The following MPIG6B variants were observed in gnomAD, a reference collection of about 807,000 sequenced individuals.
MPIG6B encodes the protein immunoglobulin receptor.
In MPIG6B, 22 loss-of-function variants were observed where a neutral mutation model predicts 24.2. The observed-to-expected ratio is 0.91, with a 90% CI of 0.65 to 1.30. MPIG6B has a LOEUF of 1.30. MPIG6B is among the 50% of genes most tolerant of loss of function. The probability of loss-of-function intolerance (pLI) is 0.00; values close to 1 mark genes in which losing one functional copy is unlikely to be tolerated. For missense variants in MPIG6B, 301 were observed against 318.5 expected (o/e 0.94, Z 0.42); for synonymous variants, 136 against 142.0 (o/e 0.96, Z 0.30).
intron 3 of MPIG6B, 24 bp downstream of exon 3, chr6:31,724,256 G>A (rs989775817): frequency 5.7e-6 from 9 of 1,575,954 alleles, no homozygotes; most frequent in South Asian, 3.4e-5. Context: ...ACCCGGCCTC[G>A]TTAAATGGGG....
In MPIG6B at chr6:31,724,190, T is replaced by C; in HGVS notation, c.458T>C (p.Val153Ala). The C allele has an allele frequency of 6.2e-7, 1 of 1,613,314 alleles. No homozygotes were observed. The highest frequency in any genetic ancestry group is 8.5e-7 in the Non-Finnish European group (1 of 1,179,966). The change falls in exon 3 of 6, where the codon GTG becomes GCG. Residue 153 changes from valine to alanine, a missense_variant. Val to Ala is a moderately conservative substitution (Grantham distance 64). Coordinates refer to ENST00000649779, the MANE Select transcript of MPIG6B (RefSeq NM_138272.3). ...LLIPLLGAGL[V>A]LGLGALGLVW... Reference sequence around the variant, plus strand: ...ATCCCGCTGCTGGGCGCTGGGTTGGTGCTCGGACTGGGAGCTTTGGGCCTG... The same window carrying C: ...ATCCCGCTGCTGGGCGCTGGGTTGGCGCTCGGACTGGGAGCTTTGGGCCTG...
rs1195964830 is a variant in MPIG6B at position 31,725,845 on chromosome 6, C to T, written c.*771C>T. On this transcript the variant is annotated 3_prime_UTR_variant, in exon 6 of 6. Coordinates refer to ENST00000649779, the MANE Select transcript of MPIG6B (RefSeq NM_138272.3). The surrounding 1 kb of genome is among the most constrained non-coding windows in gnomAD (Gnocchi z 5.2). ...CAGATTTGGGATTAACAAACTTCCA[C>T]TTAGACATTCTGCCTGACTGACCTC... is the stretch of plus-strand genomic sequence containing the variant. 1 of 152,420 alleles carries T rather than the reference C, an allele frequency of 6.6e-6. No individual in the cohort carries two copies. The highest frequency in any genetic ancestry group is 1.5e-5 in the Non-Finnish European group (1 of 68,070). 9.4% of individuals were successfully genotyped at this position (152,420 alleles called of 1,614,324 possible). A position where few individuals can be genotyped will look rare whatever the true frequency, so the allele number is the denominator to read the frequency against.
At chr6:31,724,894 G>T in intron 5 of MPIG6B, 50 bp downstream of exon 5, 1 of 1,595,752 alleles carries the variant, frequency 6.3e-7, no homozygotes, top group African/African-American at 1.4e-5. Context: ...TGAGGAAAAT[G>T]GACCAAAAAA....
upstream of MPIG6B, among the ~76,000 whole-genome samples, chr6:31,722,031 C>T (rs1347209554): frequency 6.6e-6 from 1 of 152,184 alleles, no homozygotes; most frequent in Admixed American, 6.5e-5. Flanking sequence ...TGAGCATCAT[C>T]AAAGGCCTCT....
At chr6:31,722,712 AGG>A (rs1806888129), upstream of MPIG6B, among the ~76,000 whole-genome samples, 4 of 72,234 alleles carry the variant, frequency 5.5e-5, no homozygotes. Context: ...AAAATTAGTC[AGG>A]TGTGGTGGCA....
At position 31,725,995 on chromosome 6, in the gene MPIG6B, C is replaced by T. The variant is rs1187121236; in HGVS notation, c.*921C>T. 1.3e-5 allele frequency: 2 copies of T among 152,386 alleles called. No homozygotes were observed. Among genetic ancestry groups the T allele is most frequent in the Admixed American group, 6.6e-5 (1 of 15,256 alleles). 9.4% of individuals were successfully genotyped at this position (152,386 alleles called of 1,614,324 possible). ...ACCCAGAAACTGGGAGTCACGCAGACCTCCTTTCTCTCTTACTCCCACACA... is the reference window on the plus strand; with the variant it reads ...ACCCAGAAACTGGGAGTCACGCAGATCTCCTTTCTCTCTTACTCCCACACA... On this transcript the variant is annotated 3_prime_UTR_variant, in exon 6 of 6. Transcript: ENST00000649779. The surrounding 1 kb of genome is among the most constrained non-coding windows in gnomAD (Gnocchi z 5.2).
In MPIG6B at chr6:31,723,390, G is replaced by C; in HGVS notation, c.7G>C (p.Val3Leu). 1.2e-6 allele frequency: 2 copies of C among 1,612,656 alleles called. No homozygotes were observed. Among genetic ancestry groups the C allele is most frequent in the Non-Finnish European group, 8.5e-7 (1 of 1,179,852 alleles). The change falls in exon 1 of 6, where the codon GTG becomes CTG. Residue 3 changes from valine (V) to leucine (L), a missense_variant. Coordinates refer to ENST00000649779, the MANE Select transcript of MPIG6B (RefSeq NM_138272.3). This position sits in a 1 kb window ranked among gnomAD's most constrained non-coding sequence, Gnocchi z 4.3. MAVFLQLLPLLLS... is the reference protein window; with the variant it reads MALFLQLLPLLLS... ...TCCTCACCACATCCTAACCATGGCT[G>C]TGTTTCTGCAGCTGCTACCGCTGCT...
Position 31,723,671 on chromosome 6 carries a change from A to C in MPIG6B, c.94A>C (p.Asn32His), listed in dbSNP as rs778675959. The C allele has an allele frequency of 2.0e-5, 32 of 1,590,382 alleles. No homozygotes were observed. Among genetic ancestry groups the C allele is most frequent in the Non-Finnish European group, 2.7e-5 (31 of 1,168,668 alleles). Residue 32 changes from asparagine (N) to histidine (H), a missense_variant, in exon 2 of 6, where the codon AAT (asparagine) becomes CAT (histidine). By Grantham distance (68) the Asn-to-His change is moderately conservative (BLOSUM62 1). Coordinates refer to ENST00000649779, the MANE Select transcript of MPIG6B (RefSeq NM_138272.3). The surrounding 1 kb of genome is among the most constrained non-coding windows in gnomAD (Gnocchi z 4.3). ...SLDGRPGDRV[N>H]LSCGGVSHPI... ...GGACGGCCGCCCTGGGGACCGGGTG[A>C]ATCTCTCCTGCGGAGGAGTCTCTCA...
intron 4 of MPIG6B, 45 bp from the exon 5 acceptor site, chr6:31,724,720 T>C (rs1055073680): frequency 1.2e-6 from 2 of 1,612,104 alleles, no homozygotes. Flanking sequence ...AGCAGACACG[T>C]TGGTCACCTT....
chr6:31,722,020 A>T (rs897936366), upstream of MPIG6B, among the ~76,000 whole-genome samples: 3 of 152,154 alleles, frequency 2.0e-5, no homozygotes, highest in Admixed American at 6.5e-5. Flanking sequence ...AGTCCTCTGA[A>T]TGAGCATCAT....
upstream of MPIG6B, among the ~76,000 whole-genome samples, chr6:31,722,770 A>G (rs532132948): frequency 6.7e-6 from 1 of 148,304 alleles, no homozygotes; most frequent in African/African-American, 2.5e-5. Flanking sequence ...CAGGAGACTC[A>G]CTTGAATCCA....
rs1338131653 is a variant in MPIG6B at position 31,726,676 on chromosome 6, T to C, written c.*1602T>C. Reference sequence around the variant, plus strand: ...CGTCAGGAGACTGACCCTTTTGATATCATTGCTAAGCCTCATTAAATGAAT... The same window carrying C: ...CGTCAGGAGACTGACCCTTTTGATACCATTGCTAAGCCTCATTAAATGAAT... On this transcript the variant is annotated 3_prime_UTR_variant, in exon 6 of 6. Coordinates refer to ENST00000649779, the MANE Select transcript of MPIG6B (RefSeq NM_138272.3). This position sits in a 1 kb window ranked among gnomAD's most constrained non-coding sequence, Gnocchi z 5.1. 1.3e-5 allele frequency: 2 copies of C among 152,434 alleles called. No individual in the cohort carries two copies. Among genetic ancestry groups the C allele is most frequent in the Non-Finnish European group, 1.5e-5 (1 of 68,198 alleles). 9.4% of individuals were successfully genotyped at this position (152,434 alleles called of 1,614,324 possible).
chr6:31,723,327 C>A (rs575775409), upstream of MPIG6B: 80 of 1,508,468 alleles, frequency 5.3e-5, no homozygotes, highest in South Asian at 6.4e-4. The surrounding 1 kb of genome is among the most constrained non-coding windows in gnomAD (Gnocchi z 4.3). Flanking sequence ...CCGGTCCCCC[C>A]CCAACCGGCC....
chr6:31,720,782 G>T (rs1278094597), upstream of MPIG6B, among the ~76,000 whole-genome samples: 1 of 152,166 alleles, frequency 6.6e-6, no homozygotes, highest in Non-Finnish European at 1.5e-5. This position sits in a 1 kb window ranked among gnomAD's most constrained non-coding sequence, Gnocchi z 4.9. Flanking sequence ...CAGCAGAAAG[G>T]AATGATACCT....
At chr6:31,724,463 G>C (rs1359403114) in intron 3 of MPIG6B, 124 bp from the exon 4 acceptor site, 4 of 886,582 alleles carry the variant, frequency 4.5e-6, no homozygotes, top group Non-Finnish European at 5.7e-6. Flanking sequence ...CTGTCGGTGG[G>C]GTAGAGTCTA....
At chr6:31,724,697 A>T (rs1807176551) in intron 4 of MPIG6B, 68 bp from the exon 5 acceptor site, 1 of 1,602,732 alleles carries the variant, frequency 6.2e-7, no homozygotes, top group African/African-American at 1.3e-5. Flanking sequence ...CCTGAGTCTG[A>T]GCCCTTGCTG....
Position 31,725,335 on chromosome 6 carries a change from T to TC in MPIG6B, c.*261_*262insC. 1 of 432,884 alleles carries TC rather than the reference T, an allele frequency of 2.3e-6. No individual in the cohort carries two copies. Among genetic ancestry groups the TC allele is most frequent in the East Asian group, 3.8e-5 (1 of 26,346 alleles). The allele number at this position is 432,884 out of a possible 1,614,324, so 26.8% of individuals were successfully genotyped here. A position where few individuals can be genotyped will look rare whatever the true frequency, so the allele number is the denominator to read the frequency against. ...ACCCAATCAAGCCCTAGCTCCTTTT[T>TC]TTTTTTTTTTTGAGACGGAGTCTCG... On this transcript the variant is annotated 3_prime_UTR_variant, in exon 6 of 6. Coordinates refer to ENST00000649779, the MANE Select transcript of MPIG6B (RefSeq NM_138272.3). The surrounding 1 kb of genome is among the most constrained non-coding windows in gnomAD (Gnocchi z 5.2).
At position 31,725,109 on chromosome 6, in the gene MPIG6B, G is replaced by C. The variant is rs767356770; in HGVS notation, c.*35G>C. ...CTTACTCCAAACCTCCCAAGCTAGG[G>C]GATCCCAGCTCCCCATAATCCCTCT... On this transcript the variant is annotated 3_prime_UTR_variant, in exon 6 of 6. Coordinates refer to ENST00000649779, the MANE Select transcript of MPIG6B (RefSeq NM_138272.3). The surrounding 1 kb of genome is among the most constrained non-coding windows in gnomAD (Gnocchi z 5.2). 2 of 1,468,510 alleles carry C rather than the reference G, an allele frequency of 1.4e-6. No homozygotes were observed. Among genetic ancestry groups the C allele is most frequent in the South Asian group, 1.1e-5 (1 of 87,796 alleles). 91.0% of individuals were successfully genotyped at this position (1,468,510 alleles called of 1,614,324 possible). A position where few individuals can be genotyped will look rare whatever the true frequency, so the allele number is the denominator to read the frequency against.
Position 31,724,613 on chromosome 6 carries a change from C to T in MPIG6B, c.527C>T (p.Pro176Leu). The change falls in exon 4 of 6, where the codon CCA (proline) becomes CTA (leucine). Residue 176 changes from proline to leucine, a missense_variant. Coordinates refer to ENST00000649779, the MANE Select transcript of MPIG6B (RefSeq NM_138272.3). Reference sequence around the variant, plus strand: ...CGCCTGCCCCCGCAACCGATTCGACCACTCCCTAGATTTGGTGAGACTAAT... The same window carrying T: ...CGCCTGCCCCCGCAACCGATTCGACTACTCCCTAGATTTGGTGAGACTAAT... The part of the protein sequence containing the change: ...HRRLPPQPIR[P>L]LPRFAPLVKT... 1 of 1,613,814 alleles carries T rather than the reference C, an allele frequency of 6.2e-7. No homozygotes were observed. The highest frequency in any genetic ancestry group is 8.5e-7 in the Non-Finnish European group (1 of 1,179,684).
Sources: allele counts gnomAD v4.1 joint callset (sites outside exome capture counted in the v4.1 genomes callset), GRCh38; gene constraint gnomAD v4.1.1; non-coding constraint Gnocchi (gnomAD v3.1); transcripts MANE v1.5; gene names NCBI Gene and HGNC (gene_info 2026-07-23, HGNC 2026-07-21).